The following PPARGC1A variants were observed in gnomAD, a reference collection of about 807,000 sequenced individuals.
PPARGC1A encodes peroxisome proliferator-activated receptor gamma coactivator 1-alpha.
A neutral mutation model predicts 88.7 loss-of-function variants in PPARGC1A; 25 were observed. That is an observed-to-expected ratio of 0.28 (90% CI 0.21 to 0.39). The LOEUF (loss-of-function observed/expected upper bound fraction) is 0.39. Among genes scored for constraint, PPARGC1A ranks in the 10% least tolerant of loss-of-function variants. The probability of loss-of-function intolerance (pLI) is 1.00; values close to 1 mark genes in which losing one functional copy is unlikely to be tolerated. For missense variants in PPARGC1A, 880 were observed against 968.7 expected, an observed-to-expected ratio of 0.91 and a Z score of 1.22; for synonymous variants, 363 against 355.6, an observed-to-expected ratio of 1.02 and a Z score of -0.24.
At chr4:24,440,233 AGGGCAGGAAAC>A in the PPARGC1A span, among the ~76,000 whole-genome samples, 1 of 152,206 alleles carries the variant, frequency 6.6e-6, no homozygotes, top group Non-Finnish European at 1.5e-5. Context: ...AAATATCTGC[AGGGCAGGAAAC>A]TCTTCTACAT....
the PPARGC1A span, among the ~76,000 whole-genome samples, chr4:24,362,350 CTGGATGGATGGATGGATGGATGGA>C: frequency 3.4e-5 from 5 of 148,946 alleles, no homozygotes; most frequent in East Asian, 2.0e-4. Context: ...GAACACATGA[CTGGATGGATGGATGGATGGATGGA>C]TGGATGGATG....
the PPARGC1A span, among the ~76,000 whole-genome samples, chr4:24,260,318 A>T: frequency 1.3e-5 from 2 of 152,176 alleles, no homozygotes; most frequent in Non-Finnish European, 2.9e-5. Context: ...TCACACCACC[A>T]ACATATGACA....
rs529020867 is a variant in PPARGC1A at position 23,798,799 on chromosome 4, T to C, written c.2294-2874A>G. 3.3e-5 allele frequency among the ~76,000 whole-genome samples: 5 copies of C among 152,294 alleles called. No individual in the cohort carries two copies. The South Asian group carries it at 1.0e-3, about 32-fold the overall frequency. ...GAAAGACACACAGACTACTGATTCA[T>C]GGCAACTAGAACTTAAATCTGGGCT... On this transcript the variant is annotated intron_variant, in intron 12 of 12. Transcript: ENST00000264867.
the PPARGC1A span, among the ~76,000 whole-genome samples, chr4:24,063,741 C>T: frequency 6.6e-6 from 1 of 152,094 alleles, no homozygotes; most frequent in Non-Finnish European, 1.5e-5. Flanking sequence ...TTCGAGCTTC[C>T]CCCTACTGCT....
the PPARGC1A span, among the ~76,000 whole-genome samples, chr4:24,271,109 T>G: frequency 6.6e-6 from 1 of 152,206 alleles, no homozygotes; most frequent in Non-Finnish European, 1.5e-5. Context: ...AGATATAAGA[T>G]GGTGATTTGT....
chr4:24,033,985 G>A, the PPARGC1A span, among the ~76,000 whole-genome samples: 12 of 152,178 alleles, frequency 7.9e-5, no homozygotes, highest in South Asian at 2.1e-4. Context: ...TGAGTGGTCC[G>A]TTTGGCCTTC....
At chr4:23,805,411 C>T (rs564837445) in intron 10 of PPARGC1A, among the ~76,000 whole-genome samples, 16 of 152,222 alleles carry the variant, frequency 1.1e-4, no homozygotes, top group South Asian at 4.2e-4. Context: ...CAGAACTCTA[C>T]GAACAATAGC....
the PPARGC1A span, among the ~76,000 whole-genome samples, chr4:24,467,550 G>GA: frequency 8.2e-4 from 119 of 144,490 alleles, no homozygotes; most frequent in African/African-American, 2.5e-3. Flanking sequence ...CAGAAAGAAA[G>GA]AAAAAAAAAC....
At chr4:24,284,767 G>A in the PPARGC1A span, among the ~76,000 whole-genome samples, 48 of 152,292 alleles carry the variant, frequency 3.2e-4, 1 homozygote, top group East Asian at 9.3e-3. Context: ...GGTGGCTCAC[G>A]CCTGTAATCC....
the PPARGC1A span, among the ~76,000 whole-genome samples, chr4:24,081,724 G>A: frequency 6.6e-6 from 1 of 151,642 alleles, no homozygotes; most frequent in African/African-American, 2.4e-5. Flanking sequence ...CACTAATGAG[G>A]TGTTCATTTA....
At chr4:24,031,532 C>T in the PPARGC1A span, among the ~76,000 whole-genome samples, 1 of 152,192 alleles carries the variant, frequency 6.6e-6, no homozygotes, top group Non-Finnish European at 1.5e-5. Flanking sequence ...AATTGCAGCT[C>T]AGCTCTAGTT....
the PPARGC1A span, among the ~76,000 whole-genome samples, chr4:24,433,109 A>G: frequency 6.6e-6 from 1 of 152,364 alleles, no homozygotes; most frequent in East Asian, 1.9e-4. Context: ...AGCGGACTCC[A>G]TAATTAGATG....
the PPARGC1A span, among the ~76,000 whole-genome samples, chr4:24,238,367 T>C: frequency 1.3e-5 from 2 of 152,214 alleles, no homozygotes; most frequent in East Asian, 3.8e-4. Context: ...ACTGATTAGC[T>C]AGAGAACTTG....
chr4:24,297,912 G>A, the PPARGC1A span, among the ~76,000 whole-genome samples: 3 of 152,130 alleles, frequency 2.0e-5, no homozygotes, highest in African/African-American at 4.8e-5. Context: ...GCTAACGTAA[G>A]CCCAAACAAT....
At chr4:24,257,498 A>C in the PPARGC1A span, among the ~76,000 whole-genome samples, 1 of 152,284 alleles carries the variant, frequency 6.6e-6, no homozygotes, top group Admixed American at 6.5e-5. Context: ...AAATAAAAAG[A>C]TGCACCAATT....
At chr4:24,351,393 CAAAA>C in the PPARGC1A span, among the ~76,000 whole-genome samples, 1 of 87,174 alleles carries the variant, frequency 1.1e-5, no homozygotes. Flanking sequence ...GATCCTGTCT[CAAAA>C]AAAAAAAAAA....
chr4:24,196,250 T>G, the PPARGC1A span, among the ~76,000 whole-genome samples: 1 of 152,190 alleles, frequency 6.6e-6, no homozygotes, highest in African/African-American at 2.4e-5. Context: ...AAGGGAGAGC[T>G]AGGGAGGAAA....
At chr4:24,227,086 T>A in the PPARGC1A span, among the ~76,000 whole-genome samples, 7 of 152,104 alleles carry the variant, frequency 4.6e-5, no homozygotes, top group Admixed American at 4.6e-4. Context: ...ACACTTCTTT[T>A]TTTTTTTTCT....
At chr4:24,176,557 C>G in the PPARGC1A span, among the ~76,000 whole-genome samples, 1 of 152,100 alleles carries the variant, frequency 6.6e-6, no homozygotes, top group Admixed American at 6.6e-5. Flanking sequence ...CAGCCAGAAA[C>G]AGAAGATAGA....
Sources: allele counts gnomAD v4.1 joint callset (sites outside exome capture counted in the v4.1 genomes callset), GRCh38; gene constraint gnomAD v4.1.1; transcripts MANE v1.5; gene names NCBI Gene and HGNC (gene_info 2026-07-23, HGNC 2026-07-21).